Variants in ANXA13 observed in about 807,000 individuals in gnomAD.
ANXA13 encodes the protein annexin XIII.
Under a neutral mutation model 46.6 loss-of-function variants are expected in ANXA13, and 36 were observed. That is an observed-to-expected ratio of 0.77 (90% CI 0.59 to 1.02). ANXA13 has a LOEUF of 1.02. Ranked by LOEUF, ANXA13 falls within the 50% of genes least tolerant of loss-of-function variation. The pLI, the probability that ANXA13 is intolerant of heterozygous loss-of-function variation, is 0.00. For synonymous variants in ANXA13, 163 were observed against 152.9 expected (o/e 1.07, Z -0.49); for missense variants, 417 against 396.5 (o/e 1.05, Z -0.44).
chr8:123,700,003 A>G (rs1813412892), intron 3 of ANXA13, among the ~76,000 whole-genome samples: 1 of 152,206 alleles, frequency 6.6e-6, no homozygotes, highest in Non-Finnish European at 1.5e-5. Context: ...AAAATTTTCT[A>G]AGAGGAGGCA....
At chr8:123,716,258 G>A (rs1163607007) in intron 1 of ANXA13, among the ~76,000 whole-genome samples, 1 of 152,072 alleles carries the variant, frequency 6.6e-6, no homozygotes, top group African/African-American at 2.4e-5. Context: ...GCTAATTTTT[G>A]TATTTTTGGT....
intron 1 of ANXA13, among the ~76,000 whole-genome samples, chr8:123,720,224 G>A (rs766124374): frequency 6.6e-6 from 1 of 152,202 alleles, no homozygotes; most frequent in Admixed American, 6.5e-5. Context: ...AGGGCTAACT[G>A]TACACTGATC....
At position 123,680,934 on chromosome 8, in the gene ANXA13, T is replaced by C; in HGVS notation, c.*306A>G. 7.3e-6 allele frequency: 2 copies of C among 273,472 alleles called. No homozygotes were observed. The highest frequency in any genetic ancestry group is 1.4e-5 in the Non-Finnish European group (2 of 144,938). 16.9% of individuals were successfully genotyped at this position (273,472 alleles called of 1,614,324 possible). ...ATCCTTCTAAATGTGCCATTACAAA[T>C]GCATAGTTTTTTCATCAACTGCTGA... is the stretch of plus-strand genomic sequence containing the variant. On this transcript the variant is annotated 3_prime_UTR_variant, in exon 11 of 11. Coordinates refer to ENST00000419625, the MANE Select transcript of ANXA13 (RefSeq NM_004306.4).
intron 4 of ANXA13, among the ~76,000 whole-genome samples, chr8:123,697,315 A>G (rs938245693): frequency 6.6e-6 from 1 of 152,128 alleles, no homozygotes; most frequent in Non-Finnish European, 1.5e-5. Context: ...AGAAGGGTGG[A>G]TGCTGAGTGG....
chr8:123,689,324 T>A (rs1247953925), intron 8 of ANXA13, among the ~76,000 whole-genome samples: 2 of 150,720 alleles, frequency 1.3e-5, no homozygotes, highest in African/African-American at 4.9e-5. Flanking sequence ...TGATGTGTAG[T>A]TTAGTTCCCA....
chr8:123,701,213 A>T (rs6982377), intron 3 of ANXA13, among the ~76,000 whole-genome samples: 20 of 152,098 alleles, frequency 1.3e-4, no homozygotes, highest in Non-Finnish European at 2.8e-4. Context: ...GGTGGCTCAC[A>T]CCTGTAATCC....
intron 10 of ANXA13, among the ~76,000 whole-genome samples, chr8:123,682,801 T>C (rs1482938238): frequency 2.0e-5 from 3 of 152,184 alleles, no homozygotes; most frequent in Non-Finnish European, 4.4e-5. Context: ...CAAACTACTA[T>C]ATCTAGCCAG....
chr8:123,695,457 T>C (rs769892743), intron 6 of ANXA13, 45 bp downstream of exon 6: 3 of 1,454,666 alleles, frequency 2.1e-6, no homozygotes, highest in Non-Finnish European at 2.9e-6. Flanking sequence ...TTGCCAAGGA[T>C]TCTTTCCTAA....
Position 123,693,355 on chromosome 8 carries a change from C to T in ANXA13, c.541-57G>A. 2.0e-6 allele frequency: 3 copies of T among 1,494,596 alleles called. No individual in the cohort carries two copies. In the East Asian group the frequency reaches 6.8e-5, roughly 34 times the overall value. 92.6% of individuals were successfully genotyped at this position (1,494,596 alleles called of 1,614,324 possible). A position where few individuals can be genotyped will look rare whatever the true frequency, so the allele number is the denominator to read the frequency against. On this transcript the variant is annotated intron_variant, in intron 7 of 10. Transcript: ENST00000419625. ...GGCTTTTGTGAAAAGACTGATTATG[C>T]AGTGCTGTGACTAGGCCTCACTGAC...
chr8:123,698,611 CAGGTGTCTG>C, intron 3 of ANXA13, 52 bp from the exon 4 acceptor site: 1 of 1,583,962 alleles, frequency 6.3e-7, no homozygotes, highest in South Asian at 1.1e-5. Context: ...AGGAGAGGGG[CAGGTGTCTG>C]CTTGCACTAT....
rs542690931 is a variant in ANXA13 at position 123,704,117 on chromosome 8, TGGGAAACCCGGGACACCAG to T, written c.92-1400_92-1382del. Among the ~76,000 whole-genome samples the T allele has an allele frequency of 2.6e-5, 4 of 152,184 alleles. No individual in the cohort carries two copies. In the South Asian group the frequency reaches 8.3e-4, roughly 32 times the overall value. On this transcript the variant is annotated intron_variant, in intron 2 of 10. Transcript: ENST00000419625. ...TCCGCGGTGGTCCTAAGCACGCACG[TGGGAAACCCGGGACACCAG>T]GGGATGTAAATGACCACGCGCCTGG... is the stretch of plus-strand genomic sequence containing the variant.
intron 1 of ANXA13, among the ~76,000 whole-genome samples, chr8:123,731,646 G>A (rs1185617262): frequency 3.3e-5 from 5 of 152,212 alleles, no homozygotes; most frequent in Admixed American, 6.5e-5. Context: ...GGCTGAGGTT[G>A]GAGGATTCTT....
At chr8:123,729,650 T>G (rs1427899261) in intron 1 of ANXA13, among the ~76,000 whole-genome samples, 2 of 152,194 alleles carry the variant, frequency 1.3e-5, no homozygotes, top group Non-Finnish European at 2.9e-5. Context: ...GAGACATTGC[T>G]AATACATCCA....
chr8:123,733,251 T>C (rs1387028722), intron 1 of ANXA13, among the ~76,000 whole-genome samples: 1 of 152,086 alleles, frequency 6.6e-6, no homozygotes, highest in African/African-American at 2.4e-5. Flanking sequence ...ATTTAAGTCT[T>C]TTGAAATGAT....
intron 1 of ANXA13, among the ~76,000 whole-genome samples, chr8:123,717,459 A>G (rs1375783461): frequency 1.3e-5 from 2 of 152,256 alleles, no homozygotes; most frequent in Non-Finnish European, 2.9e-5. Context: ...ATGAAGATAC[A>G]TACACAAACA....
intron 9 of ANXA13, 53 bp from the exon 10 acceptor site, chr8:123,684,775 A>G: frequency 5.1e-6 from 7 of 1,368,628 alleles, no homozygotes; most frequent in Non-Finnish European, 7.3e-6. Context: ...TTGTGGAATG[A>G]CCTTGGGACC....
chr8:123,681,413 A>G, intron 10 of ANXA13, 54 bp from the exon 11 acceptor site: 1 of 1,562,458 alleles, frequency 6.4e-7, no homozygotes, highest in Non-Finnish European at 8.7e-7. Flanking sequence ...GTGTTCACAA[A>G]CAGTGGGCAC....
intron 3 of ANXA13, among the ~76,000 whole-genome samples, chr8:123,701,559 T>A (rs1375490555): frequency 6.6e-6 from 1 of 152,214 alleles, no homozygotes; most frequent in Admixed American, 6.5e-5. Context: ...GAAGATGCAC[T>A]TATTTTCATC....
At chr8:123,702,988 G>A (rs918124880) in intron 2 of ANXA13, among the ~76,000 whole-genome samples, 4 of 152,192 alleles carry the variant, frequency 2.6e-5, no homozygotes, top group African/African-American at 9.7e-5. Flanking sequence ...AGAGGAACGA[G>A]TATGGCTGGT....
Sources: gnomAD v4.1 joint callset for allele counts (sites outside exome capture counted in the v4.1 genomes callset) on GRCh38, gnomAD v4.1.1 for gene constraint, MANE v1.5 for transcripts, NCBI Gene and HGNC (gene_info 2026-07-23, HGNC 2026-07-21) for gene names.